The following UNC79 variants were observed in gnomAD, a reference collection of about 807,000 sequenced individuals.
UNC79 encodes the protein protein unc-79 homolog.
Under a neutral mutation model 283.1 loss-of-function variants are expected in UNC79, and 37 were observed. The observed-to-expected ratio is 0.13, with a 90% CI of 0.10 to 0.17. UNC79 has a LOEUF of 0.17. Among genes scored for constraint, UNC79 ranks in the 10% least tolerant of loss-of-function variants. UNC79 has a pLI of 1.00. For synonymous variants in UNC79, 1,107 were observed against 1,200.2 expected (o/e 0.92, Z 1.61); for missense variants, 2,272 against 3,211.1 (o/e 0.71, Z 7.07).
At chr14:93,622,455 T>G (rs1426928023) in exon 30 of UNC79, 1 of 1,614,024 alleles carries the variant, frequency 6.2e-7, no homozygotes, top group African/African-American at 1.3e-5. Context: ...GGTAGCCCAC[T>G]GACGCTGAAG....
chr14:93,538,180 C>T (rs777242991), exon 12 of UNC79: 19 of 1,611,976 alleles, frequency 1.2e-5, no homozygotes, highest in Non-Finnish European at 1.4e-5. Context: ...GGGAATGCGG[C>T]GCTGAGGAGC....
At chr14:93,527,015 A>G (rs2060578495) in intron 8 of UNC79, among the ~76,000 whole-genome samples, 1 of 152,212 alleles carries the variant, frequency 6.6e-6, no homozygotes, top group African/African-American at 2.4e-5. Flanking sequence ...GAAAAATATT[A>G]TCCATTTTTG....
chr14:93,697,549 G>C (rs2075234105), intron 47 of UNC79, among the ~76,000 whole-genome samples: 1 of 152,082 alleles, frequency 6.6e-6, no homozygotes, highest in South Asian at 2.1e-4. Flanking sequence ...AAAGTTGTTT[G>C]GCTATTCTAG....
At chr14:93,591,457 G>A (rs898088519) in intron 22 of UNC79, among the ~76,000 whole-genome samples, 1 of 152,126 alleles carries the variant, frequency 6.6e-6, no homozygotes, top group Non-Finnish European at 1.5e-5. Flanking sequence ...CACATATTTT[G>A]TATGTTTTAT....
chr14:93,557,121 A>G (rs1437641267), intron 14 of UNC79, among the ~76,000 whole-genome samples: 2 of 152,240 alleles, frequency 1.3e-5, no homozygotes, highest in Non-Finnish European at 2.9e-5. Flanking sequence ...TATAAAAGCT[A>G]AGCTAAGCCA....
intron 45 of UNC79, 118 bp from the exon 49 acceptor site, chr14:93,691,631 T>G: frequency 1.0e-6 from 1 of 1,003,168 alleles, no homozygotes; most frequent in Non-Finnish European, 1.6e-6. Flanking sequence ...TGAGATAACG[T>G]TATGCCTTTG....
chr14:93,554,672 C>A (rs370267161), intron 14 of UNC79, among the ~76,000 whole-genome samples: 1 of 152,210 alleles, frequency 6.6e-6, no homozygotes, highest in East Asian at 1.9e-4. Flanking sequence ...CTAAATAATA[C>A]CCTTTTAGCC....
intron 1 of UNC79, among the ~76,000 whole-genome samples, chr14:93,381,454 T>C (rs1055160879): frequency 3.3e-5 from 5 of 152,202 alleles, no homozygotes; most frequent in African/African-American, 1.2e-4. Context: ...GATGACAGGC[T>C]GTGTCTGGAG....
At chr14:93,406,574 T>C in intron 1 of UNC79, among the ~76,000 whole-genome samples, 1 of 152,094 alleles carries the variant, frequency 6.6e-6, no homozygotes, top group East Asian at 1.9e-4. Flanking sequence ...GCCAACAAGG[T>C]GAGATCCTGT....
intron 1 of UNC79, among the ~76,000 whole-genome samples, chr14:93,438,963 G>A (rs74072885): frequency 0.013 from 1,981 of 151,202 alleles, 46 homozygotes; most frequent in African/African-American, 0.045. Flanking sequence ...ATTTTCTTTC[G>A]TCATTTTTTG....
rs145403537 is a variant in UNC79 at position 93,624,051 on chromosome 14, G to A, written c.5608+1210G>A. Reference sequence around the variant, plus strand: ...CCCTCATATTATACAGGAAGATACCGAGGCTTAGAGGAGGGGATGCACCAG... The same window carrying A: ...CCCTCATATTATACAGGAAGATACCAAGGCTTAGAGGAGGGGATGCACCAG... On this transcript the variant is annotated intron_variant, in intron 30 of 48. Coordinates refer to ENST00000555664, the Ensembl canonical transcript of UNC79. Among the ~76,000 whole-genome samples the A allele has an allele frequency of 2.8e-4, 43 of 152,272 alleles. No homozygotes were observed. In the East Asian group the frequency reaches 4.6e-3, roughly 16 times the overall value.
intron 39 of UNC79, among the ~76,000 whole-genome samples, chr14:93,661,231 T>G (rs2140444610): frequency 6.6e-6 from 1 of 152,358 alleles, no homozygotes; most frequent in Non-Finnish European, 1.5e-5. Context: ...GCCATTAAAA[T>G]GGATGATTAT....
exon 12 of UNC79, chr14:93,538,208 G>A (rs774248815): frequency 1.3e-6 from 2 of 1,594,436 alleles, no homozygotes; most frequent in East Asian, 2.2e-5. Flanking sequence ...CGCCGTGGAA[G>A]CCGTGATCAG....
At chr14:93,643,678 A>G (rs192563227) in exon 34 of UNC79, 1 of 1,612,846 alleles carries the variant, frequency 6.2e-7, no homozygotes, top group African/African-American at 1.3e-5. Context: ...GCTGCTGGAT[A>G]TCATGCAGTC....
chr14:93,519,122 A>T (rs1443061833), intron 7 of UNC79, among the ~76,000 whole-genome samples: 4 of 151,956 alleles, frequency 2.6e-5, no homozygotes, highest in African/African-American at 9.6e-5. Flanking sequence ...AGAGAGGATT[A>T]TGGAAATTTA....
chr14:93,366,599 G>T (rs1215421973), intron 1 of UNC79, among the ~76,000 whole-genome samples: 1 of 149,040 alleles, frequency 6.7e-6, no homozygotes, highest in African/African-American at 2.5e-5. Context: ...TTGAGACAGG[G>T]TTTTACTCTG....
chr14:93,696,868 G>T (rs2075169445), intron 47 of UNC79, among the ~76,000 whole-genome samples: 1 of 151,998 alleles, frequency 6.6e-6, no homozygotes, highest in African/African-American at 2.4e-5. Context: ...AGTTTTATTT[G>T]TGTTTTATTC....
chr14:93,537,054 C>T (rs1482825115), intron 11 of UNC79, among the ~76,000 whole-genome samples: 2 of 152,090 alleles, frequency 1.3e-5, no homozygotes, highest in Non-Finnish European at 2.9e-5. Flanking sequence ...TTTTATCTCC[C>T]TCCTCTCACA....
chr14:93,615,030 G>A (rs2066595369), intron 27 of UNC79, among the ~76,000 whole-genome samples: 1 of 152,178 alleles, frequency 6.6e-6, no homozygotes, highest in Non-Finnish European at 1.5e-5. Context: ...AAAGATAGAG[G>A]ACTTGGGGCT....
Sources: allele counts gnomAD v4.1 joint callset (sites outside exome capture counted in the v4.1 genomes callset), GRCh38; gene constraint gnomAD v4.1.1; transcripts MANE v1.5; gene names NCBI Gene and HGNC (gene_info 2026-07-23, HGNC 2026-07-21).